The following PPARGC1A variants were observed in gnomAD, a reference collection of about 807,000 sequenced individuals.
PPARGC1A encodes peroxisome proliferator-activated receptor gamma coactivator 1-alpha.
In PPARGC1A, 25 loss-of-function variants were observed where a neutral mutation model predicts 88.7. The ratio of observed to expected loss-of-function variants is 0.28; its 90% confidence interval spans 0.21 to 0.39. PPARGC1A has a LOEUF of 0.39. Ranked by LOEUF, PPARGC1A falls within the 10% of genes least tolerant of loss-of-function variation. PPARGC1A has a pLI of 1.00. For synonymous variants in PPARGC1A, 363 were observed against 355.6 expected (o/e 1.02, Z -0.24); for missense variants, 880 against 968.7 (o/e 0.91, Z 1.22).
At chr4:24,389,713 G>T in the PPARGC1A span, among the ~76,000 whole-genome samples, 1 of 152,128 alleles carries the variant, frequency 6.6e-6, no homozygotes. Flanking sequence ...CCTTTTGCAT[G>T]CATAGCATTA....
chr4:24,354,078 G>A, the PPARGC1A span, among the ~76,000 whole-genome samples: 319 of 152,268 alleles, frequency 2.1e-3, no homozygotes, highest in African/African-American at 7.2e-3. Flanking sequence ...CTAATGGAGA[G>A]TAGTCCTTCA....
the PPARGC1A span, among the ~76,000 whole-genome samples, chr4:24,219,849 A>C: frequency 6.6e-6 from 1 of 152,132 alleles, no homozygotes; most frequent in Non-Finnish European, 1.5e-5. Flanking sequence ...GAGAAGCCCC[A>C]TGGAGAGAGT....
At chr4:23,847,960 T>G (rs771070196) in intron 2 of PPARGC1A, among the ~76,000 whole-genome samples, 1 of 152,074 alleles carries the variant, frequency 6.6e-6, no homozygotes, top group Non-Finnish European at 1.5e-5. Flanking sequence ...GGAAGAGAAA[T>G]AGCTAAAGTG....
chr4:23,950,465 A>C, the PPARGC1A span, among the ~76,000 whole-genome samples: 1 of 152,178 alleles, frequency 6.6e-6, no homozygotes, highest in Non-Finnish European at 1.5e-5. Context: ...TGCAAGTAAA[A>C]GTAATAAACC....
At chr4:24,087,949 C>G in the PPARGC1A span, among the ~76,000 whole-genome samples, 1 of 152,094 alleles carries the variant, frequency 6.6e-6, no homozygotes, top group East Asian at 1.9e-4. Flanking sequence ...CAACTCTTGA[C>G]TTATTAAAAA....
At chr4:24,226,194 T>C in the PPARGC1A span, among the ~76,000 whole-genome samples, 37 of 152,324 alleles carry the variant, frequency 2.4e-4, no homozygotes, top group South Asian at 8.3e-4. Flanking sequence ...TTGTCTTAAA[T>C]GTGCTCACGT....
At chr4:24,016,795 A>G in the PPARGC1A span, among the ~76,000 whole-genome samples, 1 of 152,204 alleles carries the variant, frequency 6.6e-6, no homozygotes, top group Non-Finnish European at 1.5e-5. Flanking sequence ...TCAGAGGACA[A>G]ATTACACCAA....
At chr4:24,401,524 C>CT in the PPARGC1A span, among the ~76,000 whole-genome samples, 27,612 of 152,108 alleles carry the variant, frequency 0.18, 3,324 homozygotes, top group Non-Finnish European at 0.26. Flanking sequence ...CCGCACCCAC[C>CT]TTCAGAGCTG....
the PPARGC1A span, among the ~76,000 whole-genome samples, chr4:23,981,228 C>A: frequency 2.6e-5 from 4 of 151,972 alleles, no homozygotes; most frequent in African/African-American, 9.7e-5. Context: ...AGTGACTTAC[C>A]CAGCTTCCTA....
At chr4:24,407,164 G>C in the PPARGC1A span, among the ~76,000 whole-genome samples, 1 of 152,174 alleles carries the variant, frequency 6.6e-6, no homozygotes, top group Non-Finnish European at 1.5e-5. Flanking sequence ...TTATCACTTT[G>C]GTAGGAAAGC....
At chr4:24,360,315 T>C in the PPARGC1A span, among the ~76,000 whole-genome samples, 1 of 152,122 alleles carries the variant, frequency 6.6e-6, no homozygotes, top group African/African-American at 2.4e-5. Flanking sequence ...CAGAATAAAA[T>C]CCAAACTCCA....
At chr4:24,287,535 C>T in the PPARGC1A span, among the ~76,000 whole-genome samples, 1 of 151,660 alleles carries the variant, frequency 6.6e-6, no homozygotes. Flanking sequence ...AAAAAAAAAT[C>T]AAGCAAAGTA....
chr4:24,166,835 A>C, the PPARGC1A span, among the ~76,000 whole-genome samples: 1 of 152,170 alleles, frequency 6.6e-6, no homozygotes, highest in Admixed American at 6.5e-5. Context: ...ACTACTTCTC[A>C]TTGACAATAC....
chr4:24,193,081 C>T, the PPARGC1A span, among the ~76,000 whole-genome samples: 152,347 of 152,350 alleles, frequency 1, 76,172 homozygotes, highest in Non-Finnish European at 1. Context: ...ATATTTAAGT[C>T]GTAATGCAAA....
the PPARGC1A span, among the ~76,000 whole-genome samples, chr4:24,465,345 CGAAA>C: frequency 2.0e-5 from 3 of 151,854 alleles, no homozygotes; most frequent in African/African-American, 7.3e-5. Flanking sequence ...ACATAGAATC[CGAAA>C]GAAAGAAACA....
the PPARGC1A span, among the ~76,000 whole-genome samples, chr4:24,311,086 C>CTTTTT: frequency 1.7e-5 from 1 of 59,870 alleles, no homozygotes; most frequent in African/African-American, 7.3e-5. Context: ...TATAATAATT[C>CTTTTT]TTTTTTTTTT....
the PPARGC1A span, among the ~76,000 whole-genome samples, chr4:24,470,271 G>GACACACACAC: frequency 8.6e-4 from 62 of 72,012 alleles, no homozygotes; most frequent in Middle Eastern, 8.5e-3. This position sits in a 1 kb window ranked among gnomAD's most constrained non-coding sequence, Gnocchi z 5.8. Context: ...CTCATCGACA[G>GACACACACAC]ACACAGACAC....
chr4:24,072,566 A>G, the PPARGC1A span, among the ~76,000 whole-genome samples: 1 of 152,212 alleles, frequency 6.6e-6, no homozygotes, highest in Non-Finnish European at 1.5e-5. Context: ...AAGCTCATTT[A>G]TATTTGAGTC....
At chr4:24,444,166 G>A in the PPARGC1A span, among the ~76,000 whole-genome samples, 3 of 152,106 alleles carry the variant, frequency 2.0e-5, no homozygotes, top group East Asian at 5.8e-4. Context: ...CAAGTAGGTG[G>A]GACTACACAG....
Sources: gnomAD v4.1 joint callset for allele counts (sites outside exome capture counted in the v4.1 genomes callset) on GRCh38, gnomAD v4.1.1 for gene constraint, Gnocchi (gnomAD v3.1) non-coding constraint, MANE v1.5 for transcripts, NCBI Gene and HGNC (gene_info 2026-07-23, HGNC 2026-07-21) for gene names.